ENTPD1: variants seen among roughly 807,000 people sequenced by gnomAD.
The protein encoded by ENTPD1 is ATP diphosphohydrolase.
In ENTPD1, 33 loss-of-function variants were observed where a neutral mutation model predicts 57.0. The observed-to-expected ratio is 0.58, with a 90% CI of 0.44 to 0.77. The LOEUF is 0.77. Ranked by LOEUF, ENTPD1 falls within the 30% of genes least tolerant of loss-of-function variation. The pLI, the probability that ENTPD1 is intolerant of heterozygous loss-of-function variation, is 0.00. For missense variants in ENTPD1, 501 were observed against 603.4 expected (o/e 0.83, Z 1.78); for synonymous variants, 202 against 218.8 (o/e 0.92, Z 0.68).
Position 95,845,415 on chromosome 10 carries a change from C to A in ENTPD1, c.632C>A (p.Ala211Asp), listed in dbSNP as rs761317016. 6.2e-7 allele frequency: 1 copy of A among 1,614,188 alleles called. No individual in the cohort carries two copies. Among genetic ancestry groups the A allele is most frequent in the South Asian group, 1.1e-5 (1 of 91,086 alleles). ...YETNNQETFG[A>D]LDLGGASTQV... ...ACCAATAATCAGGAAACCTTTGGAG[C>A]TTTGGACCTTGGGGGAGCCTCTACA... Residue 211 changes from alanine (A) to aspartate (D), a missense_variant, in exon 6 of 10, where the codon GCT (alanine) becomes GAT (aspartate). By Grantham distance (126) the Ala-to-Asp change is moderately radical (BLOSUM62 -2). Coordinates refer to ENST00000371205, the MANE Select transcript of ENTPD1 (RefSeq NM_001776.6).
chr10:95,826,424 T>C (rs1259744653), intron 2 of ENTPD1, among the ~76,000 whole-genome samples: 1 of 151,720 alleles, frequency 6.6e-6, no homozygotes, highest in East Asian at 1.9e-4. Context: ...ATACAAAAAA[T>C]TAGCTTGGTA....
intron 8 of ENTPD1, among the ~76,000 whole-genome samples, chr10:95,863,641 C>A (rs1177870621): frequency 1.3e-5 from 2 of 152,114 alleles, no homozygotes; most frequent in African/African-American, 2.4e-5. Flanking sequence ...TGGGGACAGG[C>A]AAGAACCAAG....
intron 1 of ENTPD1, among the ~76,000 whole-genome samples, chr10:95,750,499 G>A (rs1033683448): frequency 1.8e-4 from 28 of 152,268 alleles, no homozygotes; most frequent in Admixed American, 6.5e-4. Context: ...ATGATTGTAA[G>A]TTTCTTGAGG....
At chr10:95,844,249 G>A (rs549075908) in intron 4 of ENTPD1, among the ~76,000 whole-genome samples, 1 of 152,134 alleles carries the variant, frequency 6.6e-6, no homozygotes, top group East Asian at 1.9e-4. Context: ...ACCTATGAAA[G>A]GATTGGAAGG....
chr10:95,805,187 T>G (rs532462486), intron 1 of ENTPD1, among the ~76,000 whole-genome samples: 27 of 152,378 alleles, frequency 1.8e-4, no homozygotes, highest in Admixed American at 3.3e-4. Context: ...ATTGGGTGCA[T>G]ATATACTTAG....
chr10:95,705,788 G>A, the ENTPD1 span, among the ~76,000 whole-genome samples: 1 of 152,178 alleles, frequency 6.6e-6, no homozygotes, highest in Non-Finnish European at 1.5e-5. Flanking sequence ...CACTGCGCCA[G>A]GCCAACTTAG....
chr10:95,728,011 T>A (rs2139843128), intron 1 of ENTPD1, among the ~76,000 whole-genome samples: 1 of 152,352 alleles, frequency 6.6e-6, no homozygotes, highest in Non-Finnish European at 1.5e-5. Flanking sequence ...ACAACTTCAT[T>A]GTAGTTTTAG....
At chr10:95,735,770 T>A (rs1265535258) in intron 1 of ENTPD1, among the ~76,000 whole-genome samples, 1 of 151,074 alleles carries the variant, frequency 6.6e-6, no homozygotes, top group Non-Finnish European at 1.5e-5. Flanking sequence ...TAATTTTTTT[T>A]ATCTTTAGTA....
At chr10:95,825,389 G>C (rs2098371088) in intron 2 of ENTPD1, among the ~76,000 whole-genome samples, 1 of 152,108 alleles carries the variant, frequency 6.6e-6, no homozygotes, top group African/African-American at 2.4e-5. Context: ...TTTTTTTCTT[G>C]CATGGTTTGT....
intron 1 of ENTPD1, among the ~76,000 whole-genome samples, chr10:95,805,232 A>G (rs1443184677): frequency 2.0e-5 from 3 of 152,068 alleles, no homozygotes; most frequent in Non-Finnish European, 4.4e-5. Flanking sequence ...TGATCCCTTT[A>G]TCATTATGTA....
At chr10:95,849,005 C>A (rs1443156734) in intron 7 of ENTPD1, among the ~76,000 whole-genome samples, 1 of 152,162 alleles carries the variant, frequency 6.6e-6, no homozygotes, top group African/African-American at 2.4e-5. Context: ...TTAGATGACA[C>A]AGCTGAGGGT....
At chr10:95,709,544 C>T (rs533875482), upstream of ENTPD1, among the ~76,000 whole-genome samples, 4 of 152,000 alleles carry the variant, frequency 2.6e-5, no homozygotes, top group Admixed American at 6.6e-5. Flanking sequence ...CCACCACGCC[C>T]GGCTAATTTT....
intron 1 of ENTPD1, among the ~76,000 whole-genome samples, chr10:95,719,292 G>A (rs1010682409): frequency 6.6e-6 from 1 of 152,206 alleles, no homozygotes; most frequent in African/African-American, 2.4e-5. Flanking sequence ...CCGTTGGCAA[G>A]CTTAATACTG....
intron 1 of ENTPD1, among the ~76,000 whole-genome samples, chr10:95,794,018 G>A (rs990420709): frequency 6.6e-6 from 1 of 152,020 alleles, no homozygotes; most frequent in Admixed American, 6.6e-5. Flanking sequence ...TGCATAAAAG[G>A]GCATTGTATG....
Position 95,871,560 on chromosome 10 carries a change from T to C in ENTPD1, c.*5177T>C, listed in dbSNP as rs1466109745. On this transcript the variant is annotated 3_prime_UTR_variant, in exon 10 of 10. Coordinates refer to ENST00000371205, the MANE Select transcript of ENTPD1 (RefSeq NM_001776.6). ...TGAACACAATCAGTTTTATCACAGG[T>C]ATAATGGATTTTTCAATAGTGAGGA... is the stretch of plus-strand genomic sequence containing the variant. The C allele has an allele frequency of 5.1e-6, 5 of 985,332 alleles. No individual in the cohort carries two copies. The highest frequency in any genetic ancestry group is 1.2e-4 in the Admixed American group (2 of 16,264). 61.0% of individuals were successfully genotyped at this position (985,332 alleles called of 1,614,324 possible). A position where few individuals can be genotyped will look rare whatever the true frequency, so the allele number is the denominator to read the frequency against.
At chr10:95,840,959 C>A (rs2098421218) in intron 3 of ENTPD1, among the ~76,000 whole-genome samples, 1 of 152,148 alleles carries the variant, frequency 6.6e-6, no homozygotes, top group African/African-American at 2.4e-5. Flanking sequence ...TCCAAGAGAG[C>A]AAGTCATTCT....
chr10:95,845,730 A>G (rs777315101), intron 6 of ENTPD1, 134 bp downstream of exon 6: 10 of 1,473,796 alleles, frequency 6.8e-6, no homozygotes, highest in Non-Finnish European at 9.4e-6. Context: ...TTTAGGCAGG[A>G]TATTGAACTA....
At position 95,778,160 on chromosome 10, in the gene ENTPD1, C is replaced by G. The variant is rs138450135; in HGVS notation, c.16+21905C>G. On this transcript the variant is annotated intron_variant, in intron 1 of 9. Transcript: ENST00000371205. ...TCCTCCATGGGCTGCACCCACTGTC[C>G]AACCAGTCCCAATGAGATGAACCAG... Among the ~76,000 whole-genome samples, 371 of 152,298 alleles carry G rather than the reference C, an allele frequency of 2.4e-3. 8 individuals are homozygous for G. The highest frequency in any genetic ancestry group is 2.9e-4 in the Non-Finnish European group (20 of 68,022).
At chr10:95,809,341 A>G (rs1374768311) in intron 1 of ENTPD1, among the ~76,000 whole-genome samples, 3 of 148,208 alleles carry the variant, frequency 2.0e-5, no homozygotes, top group African/African-American at 7.5e-5. Flanking sequence ...GTGGCCGGGC[A>G]GAGGCGCCCC....
Sources: gnomAD v4.1 joint callset for allele counts (sites outside exome capture counted in the v4.1 genomes callset) on GRCh38, gnomAD v4.1.1 for gene constraint, MANE v1.5 for transcripts, NCBI Gene and HGNC (gene_info 2026-07-23, HGNC 2026-07-21) for gene names.